The following TP53BP2 variants were observed in gnomAD, a reference collection of about 807,000 sequenced individuals.
TP53BP2 encodes tumor protein p53 binding protein 2.
A neutral mutation model predicts 126.2 loss-of-function variants in TP53BP2; 62 were observed. That is an observed-to-expected ratio of 0.49 (90% CI 0.40 to 0.61). TP53BP2 has a LOEUF of 0.61. TP53BP2 is among the 20% of genes least tolerant of loss of function. TP53BP2 has a pLI of 0.00. For missense variants in TP53BP2, 1,215 were observed against 1,402.8 expected, an observed-to-expected ratio of 0.87 and a Z score of 2.14; for synonymous variants, 485 against 502.9, an observed-to-expected ratio of 0.96 and a Z score of 0.48.
Position 223,792,444 on chromosome 1 carries a change from C to T in TP53BP2, c.2941G>A (p.Val981Ile), listed in dbSNP as rs375387937. The T allele has an allele frequency of 1.4e-5, 22 of 1,613,766 alleles. No homozygotes were observed. The highest frequency in any genetic ancestry group is 1.2e-4 in the African/African-American group (9 of 75,054). Residue 981 changes from valine to isoleucine, a missense_variant, in exon 15 of 18, where the codon GTT (valine) becomes ATT (isoleucine). Val to Ile is a conservative substitution (Grantham distance 29). This residue lies in a region of TP53BP2 where 151 missense variants were observed against 231.2 expected (regional missense o/e 0.65). Coordinates refer to ENST00000343537, the MANE Select transcript of TP53BP2 (RefSeq NM_001031685.3). The part of the protein sequence containing the change: ...NAVCAGHTEI[V>I]KFLVQFGVNV... ...ACACCAAACTGTACCAGGAACTTAA[C>T]GATTTCTGTGTGGCCTGCACACACA... is the stretch of plus-strand genomic sequence containing the variant.
chr1:223,802,264 C>T lies in TP53BP2; in HGVS notation c.1077G>A (p.Ser359=), dbSNP rs1153933. Residue 359 remains serine (S), a synonymous_variant, in exon 9 of 18, where the codon TCG becomes TCA. Transcript: ENST00000343537. ...TTGAGGGCATCCGAGGCATAGTAGA[C>T]GACTGGATATAGGGACCTACTGCAG... ...RVAAVGPYIQ[S]STMPRMPSRP... The T allele has an allele frequency of 0.089, 143,028 of 1,613,958 alleles. 10,782 individuals carry two copies. Among genetic ancestry groups the T allele is most frequent in the African/African-American group, 0.36 (27,161 of 74,906 alleles).
chr1:223,845,168 G>C, intron 1 of TP53BP2: 1 of 855,614 alleles, frequency 1.2e-6, no homozygotes, highest in Non-Finnish European at 1.4e-6. Context: ...CCACAAAGAG[G>C]TAAGGGTGAC....
chr1:223,812,873 T>C (rs1051430820), intron 3 of TP53BP2, among the ~76,000 whole-genome samples: 1 of 152,130 alleles, frequency 6.6e-6, no homozygotes, highest in Non-Finnish European at 1.5e-5. Context: ...AATTTTTGTA[T>C]TTTTAGTAGA....
chr1:223,802,782 C>G lies in TP53BP2; in HGVS notation c.945G>C (p.Arg315Ser). 3.1e-6 allele frequency: 5 copies of G among 1,614,154 alleles called. No homozygotes were observed. The highest frequency in any genetic ancestry group is 4.2e-6 in the Non-Finnish European group (5 of 1,180,020). ...CTGCCTTCTTCTTCCACAGCCGGTC[C>G]CTCAGCTCATTAACACGCTTATCCA... ...AVMDKRVNEL[R>S]DRLWKKKAAL... Residue 315 changes from arginine (R) to serine (S), a missense_variant, in exon 8 of 18, where the codon AGG (arginine) becomes AGC (serine). Physicochemically the swap from Arg to Ser is moderately radical, Grantham distance 110. Coordinates refer to ENST00000343537, the MANE Select transcript of TP53BP2 (RefSeq NM_001031685.3).
chr1:223,814,276 A>T lies in TP53BP2; in HGVS notation c.253T>A (p.Phe85Ile). 6.2e-7 allele frequency: 1 copy of T among 1,613,958 alleles called. No homozygotes were observed. The highest frequency in any genetic ancestry group is 2.2e-5 in the East Asian group (1 of 44,894). Residue 85 changes from phenylalanine to isoleucine, a missense_variant, in exon 3 of 18, where the codon TTC (phenylalanine) becomes ATC (isoleucine). Transcript: ENST00000343537. ...FGSQRNEVRF[F>I]LRHERPPGRD... ...CCAGGGGGGCGTTCATGACGAAGGA[A>T]GAAGCGAACTTCGTTCCTCTGACTT...
chr1:223,830,631 T>C (rs978218494), intron 1 of TP53BP2, among the ~76,000 whole-genome samples: 1 of 151,232 alleles, frequency 6.6e-6, no homozygotes, highest in East Asian at 1.9e-4. Flanking sequence ...GAAAACTAAA[T>C]ATACAAAAAC....
At chr1:223,786,661 C>T (rs970867084) in intron 16 of TP53BP2, among the ~76,000 whole-genome samples, 1 of 151,214 alleles carries the variant, frequency 6.6e-6, no homozygotes, top group Non-Finnish European at 1.5e-5. Flanking sequence ...GGCTGGAGTG[C>T]AGTGGCGTGA....
rs982218003 is a variant in TP53BP2, at chr1:223,800,683, G to T, written c.1336+17C>A. 9 of 1,565,180 alleles carry T rather than the reference G, an allele frequency of 5.8e-6. No individual in the cohort carries two copies. The highest frequency in any genetic ancestry group is 1.7e-4 in the Middle Eastern group (1 of 5,950). On this transcript the variant is annotated intron_variant, in intron 10 of 17. Coordinates refer to ENST00000343537, the MANE Select transcript of TP53BP2 (RefSeq NM_001031685.3). ...GACCAAAATTTAATGTTCAAGAGTAGCACAAATAAATCTCACCTTGATCCA... is the reference window on the plus strand; with the variant it reads ...GACCAAAATTTAATGTTCAAGAGTATCACAAATAAATCTCACCTTGATCCA...
At chr1:223,836,205 A>G (rs138669878) in intron 1 of TP53BP2, among the ~76,000 whole-genome samples, 1 of 152,352 alleles carries the variant, frequency 6.6e-6, no homozygotes, top group African/African-American at 2.4e-5. Flanking sequence ...TTTTATACAC[A>G]TGCTGTTATG....
In TP53BP2 at chr1:223,780,404, C is replaced by T. The variant is rs1017519639; in HGVS notation, c.*449G>A. On this transcript the variant is annotated 3_prime_UTR_variant, in exon 18 of 18. Transcript: ENST00000343537. ...GCCTTCGAGCCTTCAGGTGAGCCCC[C>T]CAAGGGCCTGCTGGTGCCGGGGACA... The T allele has an allele frequency of 6.3e-6, 1 of 158,992 alleles. No homozygotes were observed. 9.8% of individuals were successfully genotyped at this position (158,992 alleles called of 1,614,324 possible). A position where few individuals can be genotyped will look rare whatever the true frequency, so the allele number is the denominator to read the frequency against.
Position 223,798,260 on chromosome 1 carries a change from T to C in TP53BP2, c.1903A>G (p.Ser635Gly). 1 of 1,614,230 alleles carries C rather than the reference T, an allele frequency of 6.2e-7. No homozygotes were observed. The highest frequency in any genetic ancestry group is 8.5e-7 in the Non-Finnish European group (1 of 1,180,036). Residue 635 changes from serine (S) to glycine (G), a missense_variant, in exon 12 of 18, where the codon AGC (serine) becomes GGC (glycine). By Grantham distance (56) the Ser-to-Gly change is moderately conservative (BLOSUM62 0). Around this residue, in one of 4 missense-constraint regions of TP53BP2, gnomAD observed 814 missense variants for 853.0 expected, o/e 0.95. Coordinates refer to ENST00000343537, the MANE Select transcript of TP53BP2 (RefSeq NM_001031685.3). Reference protein sequence around the residue: ...PGKNFQQAVQSALTKTHTRGP... With the variant: ...PGKNFQQAVQGALTKTHTRGP... ...CTGGTATGAGTCTTGGTCAACGCGC[T>C]CTGCACAGCCTGCTGGAAGTTTTTT... is the stretch of plus-strand genomic sequence containing the variant.
chr1:223,787,486 C>T (rs536015349), intron 16 of TP53BP2, among the ~76,000 whole-genome samples: 11 of 152,022 alleles, frequency 7.2e-5, no homozygotes, highest in Non-Finnish European at 1.5e-4. Flanking sequence ...GTGGCTCACA[C>T]CTGTAATCTC....
chr1:223,783,439 A>G (rs1243544227), intron 17 of TP53BP2, among the ~76,000 whole-genome samples: 2 of 152,118 alleles, frequency 1.3e-5, no homozygotes, highest in Admixed American at 1.3e-4. Context: ...TTAAACTTTT[A>G]TCTCAATCTC....
chr1:223,791,028 A>G (rs894283287), intron 15 of TP53BP2, among the ~76,000 whole-genome samples: 11 of 152,246 alleles, frequency 7.2e-5, no homozygotes, highest in Non-Finnish European at 1.3e-4. Context: ...GCATTATGAC[A>G]CAGTAAGAAT....
intron 1 of TP53BP2, among the ~76,000 whole-genome samples, chr1:223,841,077 C>G (rs1204683067): frequency 6.6e-6 from 1 of 152,004 alleles, no homozygotes; most frequent in Non-Finnish European, 1.5e-5. Flanking sequence ...ACAGGGAAAC[C>G]CTGTCTCTAC....
intron 1 of TP53BP2, among the ~76,000 whole-genome samples, chr1:223,828,468 T>A (rs543796205): frequency 1.2e-4 from 18 of 152,330 alleles, no homozygotes; most frequent in African/African-American, 4.3e-4. Context: ...CATACCATTC[T>A]TATTCATATA....
chr1:223,795,887 C>T lies in TP53BP2; in HGVS notation c.2652G>A (p.Glu884=). 1 of 1,605,586 alleles carries T rather than the reference C, an allele frequency of 6.2e-7. No homozygotes were observed. The highest frequency in any genetic ancestry group is 8.5e-7 in the Non-Finnish European group (1 of 1,176,598). ...PYPPPPYPSG[E]PEGPGEDSVS... ...CCGAGTCTTCTCCGGGCCCTTCAGGCTCCCCAGATGGGTATGGTGGGGGTG... is the reference window on the plus strand; with the variant it reads ...CCGAGTCTTCTCCGGGCCCTTCAGGTTCCCCAGATGGGTATGGTGGGGGTG... The change falls in exon 13 of 18, where the codon GAG becomes GAA. Residue 884 remains glutamate (E), a synonymous_variant. Transcript: ENST00000343537.
rs1350269580 is a variant in TP53BP2, at chr1:223,845,727, G to A, written c.-47C>T. On this transcript the variant is annotated 5_prime_UTR_variant, in exon 1 of 18. Coordinates refer to ENST00000343537, the MANE Select transcript of TP53BP2 (RefSeq NM_001031685.3). Reference sequence around the variant, plus strand: ...GGCCCCGGCCGAGCTGAGGTGCCCCGGAGGGTCGCGGATGCGGGGGAGGGG... The same window carrying A: ...GGCCCCGGCCGAGCTGAGGTGCCCCAGAGGGTCGCGGATGCGGGGGAGGGG... The A allele has an allele frequency of 2.7e-6, 4 of 1,483,474 alleles. No individual in the cohort carries two copies. The South Asian group carries it at 5.2e-5, about 19-fold the overall frequency. 91.9% of individuals were successfully genotyped at this position (1,483,474 alleles called of 1,614,324 possible).
chr1:223,831,982 A>G (rs998397150), intron 1 of TP53BP2, among the ~76,000 whole-genome samples: 3 of 152,178 alleles, frequency 2.0e-5, no homozygotes, highest in African/African-American at 4.8e-5. Flanking sequence ...TATCAACATA[A>G]GAATGACTCA....
Sources: gnomAD v4.1 joint callset for allele counts (sites outside exome capture counted in the v4.1 genomes callset) on GRCh38, gnomAD v4.1.1 for gene constraint, gnomAD v4.1.1 regional missense constraint, MANE v1.5 for transcripts, NCBI Gene and HGNC (gene_info 2026-07-23, HGNC 2026-07-21) for gene names.